PABPC4L: variants seen among roughly 807,000 people sequenced by gnomAD.
PABPC4L encodes polyadenylate-binding protein 4-like.
For synonymous variants in PABPC4L, 169 were observed against 164.1 expected, an observed-to-expected ratio of 1.03 and a Z score of -0.23; for missense variants, 452 against 451.4, an observed-to-expected ratio of 1.00 and a Z score of -0.01.
At chr4:134,039,435 A>T in the PABPC4L span, among the ~76,000 whole-genome samples, 1 of 151,832 alleles carries the variant, frequency 6.6e-6, no homozygotes, top group Admixed American at 6.6e-5. Context: ...TTTAACTCTT[A>T]GTATTATTTT....
At chr4:134,003,142 T>C in the PABPC4L span, among the ~76,000 whole-genome samples, 1 of 151,968 alleles carries the variant, frequency 6.6e-6, no homozygotes, top group East Asian at 1.9e-4. Flanking sequence ...CAGAAGATTA[T>C]CTGATATAGT....
At chr4:134,121,371 T>G in the PABPC4L span, among the ~76,000 whole-genome samples, 1 of 151,668 alleles carries the variant, frequency 6.6e-6, no homozygotes, top group Non-Finnish European at 1.5e-5. Flanking sequence ...AACATTTTTA[T>G]GATAAGTTAT....
chr4:133,963,838 A>G, the PABPC4L span, among the ~76,000 whole-genome samples: 2 of 152,136 alleles, frequency 1.3e-5, no homozygotes, highest in South Asian at 4.1e-4. Flanking sequence ...TGCTAAGAGG[A>G]AACTTGATAG....
the PABPC4L span, among the ~76,000 whole-genome samples, chr4:133,957,383 C>A: frequency 6.6e-6 from 1 of 152,188 alleles, no homozygotes; most frequent in African/African-American, 2.4e-5. Flanking sequence ...CATGCTGATG[C>A]AAGAGATGGG....
At chr4:134,132,043 C>T in the PABPC4L span, among the ~76,000 whole-genome samples, 1 of 151,990 alleles carries the variant, frequency 6.6e-6, no homozygotes, top group South Asian at 2.1e-4. Flanking sequence ...CCTAATCTCT[C>T]ACCTTGTACA....
At chr4:133,965,505 C>T in the PABPC4L span, among the ~76,000 whole-genome samples, 1 of 151,922 alleles carries the variant, frequency 6.6e-6, no homozygotes, top group African/African-American at 2.4e-5. Context: ...GCCCACATAG[C>T]CAAAGCAAGA....
chr4:134,010,466 A>G, the PABPC4L span: 1 of 152,166 alleles, frequency 6.6e-6, no homozygotes, highest in Admixed American at 6.6e-5. Context: ...CAAAATAATT[A>G]ATTTCTGGCT....
chr4:134,120,432 T>G, the PABPC4L span, among the ~76,000 whole-genome samples: 1 of 149,474 alleles, frequency 6.7e-6, no homozygotes, highest in South Asian at 2.1e-4. Context: ...TAATATTCAT[T>G]TATATTTAAT....
the PABPC4L span, among the ~76,000 whole-genome samples, chr4:133,990,379 A>C: frequency 6.6e-6 from 1 of 152,184 alleles, no homozygotes; most frequent in South Asian, 2.1e-4. Context: ...TTTGAGGTAC[A>C]ATAAATGATG....
chr4:134,012,356 T>C, the PABPC4L span, among the ~76,000 whole-genome samples: 1 of 152,026 alleles, frequency 6.6e-6, no homozygotes, highest in Non-Finnish European at 1.5e-5. Flanking sequence ...CTGATGACAT[T>C]GTCTTGTGAA....
Position 134,198,438 on chromosome 4 carries a change from A to T in PABPC4L, c.*1469T>A, listed in dbSNP as rs1729734231. ...TTTCTATAAAAATAAAAGGCAACAA[A>T]TTTTTCTCATTCATAAGCTGAGGTA... On this transcript the variant is annotated 3_prime_UTR_variant, in exon 2 of 2. Coordinates refer to ENST00000421491, the MANE Select transcript of PABPC4L (RefSeq NM_001114734.2). 6.6e-6 allele frequency: 1 copy of T among 151,642 alleles called. No homozygotes were observed. Among genetic ancestry groups the T allele is most frequent in the African/African-American group, 2.4e-5 (1 of 41,408 alleles). The allele number at this position is 151,642 out of a possible 1,614,324, so 9.4% of individuals were successfully genotyped here.
the PABPC4L span, among the ~76,000 whole-genome samples, chr4:134,018,520 C>T: frequency 6.6e-6 from 1 of 152,154 alleles, no homozygotes; most frequent in Non-Finnish European, 1.5e-5. Context: ...CCTCCACCCA[C>T]CTTCAAGGAG....
the PABPC4L span, among the ~76,000 whole-genome samples, chr4:134,074,809 C>G: frequency 6.6e-6 from 1 of 152,048 alleles, no homozygotes; most frequent in Non-Finnish European, 1.5e-5. Flanking sequence ...ATAAAACTAC[C>G]AGATCTTGTG....
the PABPC4L span, among the ~76,000 whole-genome samples, chr4:134,081,283 C>T: frequency 6.6e-5 from 10 of 151,916 alleles, no homozygotes; most frequent in East Asian, 1.2e-3. Flanking sequence ...GGAGTTGCCC[C>T]GAAAGCAGCT....
chr4:134,125,695 C>T, the PABPC4L span, among the ~76,000 whole-genome samples: 1 of 152,160 alleles, frequency 6.6e-6, no homozygotes, highest in South Asian at 2.1e-4. Context: ...ATGTATCTGT[C>T]ATTGTAATAG....
At chr4:133,963,445 G>A in the PABPC4L span, among the ~76,000 whole-genome samples, 78 of 151,986 alleles carry the variant, frequency 5.1e-4, no homozygotes, top group African/African-American at 1.9e-3. Flanking sequence ...AAGACAGAAA[G>A]CCAATAAAGA....
chr4:134,156,527 G>A, the PABPC4L span, among the ~76,000 whole-genome samples: 6 of 151,270 alleles, frequency 4.0e-5, no homozygotes, highest in Admixed American at 6.6e-5. Context: ...GTGGATGCAC[G>A]GAAAAAAATA....
chr4:134,133,777 T>G, the PABPC4L span, among the ~76,000 whole-genome samples: 1 of 152,024 alleles, frequency 6.6e-6, no homozygotes, highest in South Asian at 2.1e-4. Context: ...ACTAAAGAAC[T>G]TATTCATGTA....
chr4:133,975,088 A>T, the PABPC4L span, among the ~76,000 whole-genome samples: 1 of 152,180 alleles, frequency 6.6e-6, no homozygotes, highest in Non-Finnish European at 1.5e-5. Flanking sequence ...GATAGTGGAA[A>T]CAACAAAAAT....
Sources: allele counts gnomAD v4.1 joint callset (sites outside exome capture counted in the v4.1 genomes callset), GRCh38; gene constraint gnomAD v4.1.1; transcripts MANE v1.5; gene names NCBI Gene and HGNC (gene_info 2026-07-23, HGNC 2026-07-21).